Variants in ZC3H12B observed in about 807,000 individuals in gnomAD.
The protein encoded by ZC3H12B is probable ribonuclease ZC3H12B.
Under a neutral mutation model 43.9 loss-of-function variants are expected in ZC3H12B, and 7 were observed. That is an observed-to-expected ratio of 0.16 (90% confidence interval 0.09 to 0.30). The LOEUF (loss-of-function observed/expected upper bound fraction) is 0.30, where lower values mean the gene tolerates loss of function less well. Among genes scored for constraint, ZC3H12B ranks in the 10% least tolerant of loss-of-function variants. ZC3H12B has a pLI of 1.00. For synonymous variants in ZC3H12B, 222 were observed against 241.7 expected, an observed-to-expected ratio of 0.92 and a Z score of 0.76; for missense variants, 475 against 670.2, an observed-to-expected ratio of 0.71 and a Z score of 3.22.
At chrX:65,200,129 CT>C in the ZC3H12B span, among the ~76,000 whole-genome samples, 1 of 111,300 alleles carries the variant, frequency 9.0e-6, no homozygotes, top group African/African-American at 3.3e-5. Context: ...TATTTTTTGA[CT>C]TTTTAATAGC....
the ZC3H12B span, among the ~76,000 whole-genome samples, chrX:65,183,078 AC>A: frequency 8.9e-6 from 1 of 112,064 alleles, no homozygotes; most frequent in African/African-American, 3.2e-5. Flanking sequence ...CTGTGTTTGT[AC>A]CCAAAGGAAT....
intron 3 of ZC3H12B, among the ~76,000 whole-genome samples, chrX:65,499,500 G>C (rs2068336132): frequency 9.0e-6 from 1 of 111,355 alleles, no homozygotes; most frequent in Non-Finnish European, 1.9e-5. Context: ...AATAGAAAAA[G>C]GCATCCCAGA....
the ZC3H12B span, among the ~76,000 whole-genome samples, chrX:65,340,253 GC>G: frequency 8.9e-6 from 1 of 112,135 alleles, no homozygotes. Flanking sequence ...GCCAGTGGGG[GC>G]ATCCTGATTA....
At chrX:65,128,495 A>G in the ZC3H12B span, among the ~76,000 whole-genome samples, 15 of 111,711 alleles carry the variant, frequency 1.3e-4, no homozygotes, top group African/African-American at 4.9e-4. Flanking sequence ...CTATATTGAC[A>G]TGTTTTGTTG....
the ZC3H12B span, among the ~76,000 whole-genome samples, chrX:65,236,686 C>T: frequency 1.8e-5 from 2 of 112,148 alleles, no homozygotes; most frequent in Non-Finnish European, 3.8e-5. Flanking sequence ...TTGGGTTTTA[C>T]ATTTAAGTCT....
At chrX:65,077,248 C>T in the ZC3H12B span, among the ~76,000 whole-genome samples, 5 of 111,849 alleles carry the variant, frequency 4.5e-5, no homozygotes, top group Non-Finnish European at 9.4e-5. Context: ...GTCATTGAGC[C>T]ACCTTATCCT....
the ZC3H12B span, among the ~76,000 whole-genome samples, chrX:65,344,404 A>T: frequency 3.6e-5 from 4 of 112,002 alleles, no homozygotes; most frequent in East Asian, 1.1e-3. Flanking sequence ...TGGAGATCCC[A>T]GAAATAAGGC....
chrX:65,190,422 A>T, the ZC3H12B span, among the ~76,000 whole-genome samples: 1 of 111,208 alleles, frequency 9.0e-6, no homozygotes, highest in Non-Finnish European at 1.9e-5. Context: ...GATTCTTCTT[A>T]CCCATGAGCA....
the ZC3H12B span, among the ~76,000 whole-genome samples, chrX:65,349,128 C>T: frequency 8.9e-6 from 1 of 111,827 alleles, no homozygotes; most frequent in Admixed American, 9.5e-5. Flanking sequence ...AAGTAAAACG[C>T]TCCTCAGCAA....
At chrX:65,119,278 T>C in the ZC3H12B span, among the ~76,000 whole-genome samples, 1 of 111,284 alleles carries the variant, frequency 9.0e-6, no homozygotes, top group African/African-American at 3.3e-5. Flanking sequence ...AGTGTAAAAG[T>C]GTTCCTATTT....
At chrX:65,204,878 C>T in the ZC3H12B span, among the ~76,000 whole-genome samples, 1 of 111,981 alleles carries the variant, frequency 8.9e-6, no homozygotes, top group Non-Finnish European at 1.9e-5. Flanking sequence ...ATCTGCTGCT[C>T]ATTTCCTACT....
At chrX:65,433,828 G>A (rs2067190347) in intron 3 of ZC3H12B, among the ~76,000 whole-genome samples, 1 of 111,917 alleles carries the variant, frequency 8.9e-6, no homozygotes, top group African/African-American at 3.2e-5. Context: ...CTTCATTCAA[G>A]AGTTTCTGTT....
the ZC3H12B span, among the ~76,000 whole-genome samples, chrX:65,077,417 G>A: frequency 4.1e-4 from 46 of 112,378 alleles, no homozygotes; most frequent in African/African-American, 1.4e-3. Flanking sequence ...CAGGTGTTGA[G>A]CCAGGGTTGG....
At chrX:65,367,022 G>A (rs2066182729) in intron 1 of ZC3H12B, among the ~76,000 whole-genome samples, 1 of 111,865 alleles carries the variant, frequency 8.9e-6, no homozygotes, top group African/African-American at 3.2e-5. Context: ...GCTTAGCACA[G>A]GGCCTTAGAG....
chrX:65,177,922 T>C, the ZC3H12B span, among the ~76,000 whole-genome samples: 2 of 111,785 alleles, frequency 1.8e-5, no homozygotes, highest in Non-Finnish European at 3.8e-5. Flanking sequence ...AAACTAAGTT[T>C]TATATGGAAC....
intron 2 of ZC3H12B, among the ~76,000 whole-genome samples, chrX:65,381,396 T>A (rs7881654): frequency 0.082 from 9,159 of 111,281 alleles, 1,029 homozygotes; most frequent in African/African-American, 0.29. Flanking sequence ...AGATGTTCTT[T>A]GAAACCAACG....
At chrX:65,382,301 C>T (rs1482496131) in intron 2 of ZC3H12B, among the ~76,000 whole-genome samples, 95 of 109,614 alleles carry the variant, frequency 8.7e-4, no homozygotes, top group African/African-American at 2.4e-3. Flanking sequence ...GTTCAATATA[C>T]GCAAATCAAT....
the ZC3H12B span, among the ~76,000 whole-genome samples, chrX:65,155,892 C>T: frequency 2.7e-5 from 3 of 109,636 alleles, no homozygotes; most frequent in Non-Finnish European, 3.8e-5. Context: ...TCCCACTTTT[C>T]CTGTATTCTA....
At chrX:65,373,016 C>T (rs1008277130) in intron 2 of ZC3H12B, among the ~76,000 whole-genome samples, 9 of 111,653 alleles carry the variant, frequency 8.1e-5, no homozygotes, top group African/African-American at 2.0e-4. Context: ...AATATAGTTC[C>T]TATGGTGGGC....
Sources: allele counts gnomAD v4.1 joint callset (sites outside exome capture counted in the v4.1 genomes callset), GRCh38; gene constraint gnomAD v4.1.1; transcripts MANE v1.5; gene names NCBI Gene and HGNC (gene_info 2026-07-23, HGNC 2026-07-21).